Variants in GFI1B observed in about 807,000 individuals in gnomAD.
GFI1B encodes zinc finger protein Gfi-1b.
In GFI1B, 20 loss-of-function variants were observed where a neutral mutation model predicts 35.3. That is an observed-to-expected ratio of 0.57 (90% CI 0.40 to 0.82). The LOEUF (loss-of-function observed/expected upper bound fraction) is 0.82. GFI1B is among the 40% of genes least tolerant of loss of function. The probability of loss-of-function intolerance (pLI) is 0.00; values close to 1 mark genes in which losing one functional copy is unlikely to be tolerated. For missense variants in GFI1B, 430 were observed against 446.3 expected (o/e 0.96, Z 0.33); for synonymous variants, 178 against 177.6 (o/e 1.00, Z -0.02).
At chr9:132,988,498 G>A (rs1225623438) in intron 4 of GFI1B, 30 bp downstream of exon 4, 1 of 1,604,428 alleles carries the variant, frequency 6.2e-7, no homozygotes, top group South Asian at 1.1e-5. Context: ...GTGGGCACCT[G>A]GGCCCTCCTC....
chr9:132,992,475 G>A (rs548323849), downstream of GFI1B, among the ~76,000 whole-genome samples: 4 of 152,158 alleles, frequency 2.6e-5, no homozygotes, highest in South Asian at 8.3e-4. Context: ...AACCTCTCTG[G>A]GGCTCAGCTT....
intron 4 of GFI1B, 84 bp downstream of exon 4, chr9:132,988,552 G>C (rs1189860538): frequency 1.6e-6 from 2 of 1,281,636 alleles, no homozygotes; most frequent in Admixed American, 3.7e-5. Context: ...GGCGTTCTCT[G>C]TGCTGTGAAT....
At chr9:132,980,277 C>A (rs1435224772) in intron 1 of GFI1B, among the ~76,000 whole-genome samples, 1 of 152,142 alleles carries the variant, frequency 6.6e-6, no homozygotes, top group African/African-American at 2.4e-5. Context: ...GCTCTGGGAC[C>A]AGATGGCTCC....
Position 132,952,434 on chromosome 9 carries a change from A to T in GFI1B, c.-701+6765A>T, listed in dbSNP as rs1175714741. ...AGGCTCAAGTGACCCTCCCACCTCA[A>T]CCTCCCGGGTAGCTGAGACTATAGA... is the stretch of plus-strand genomic sequence containing the variant. On this transcript the variant is annotated intron_variant, in intron 1 of 10. Transcript: ENST00000339463. 4 of 151,422 alleles carry T rather than the reference A, an allele frequency of 2.6e-5. No individual in the cohort carries two copies. The East Asian group carries it at 7.8e-4, about 29-fold the overall frequency. 9.4% of individuals were successfully genotyped at this position (151,422 alleles called of 1,614,324 possible).
chr9:132,983,752 G>A (rs968680653), intron 1 of GFI1B, among the ~76,000 whole-genome samples: 3 of 152,188 alleles, frequency 2.0e-5, no homozygotes, highest in Non-Finnish European at 4.4e-5. Context: ...CTAGCACGTC[G>A]GCTCCACTCC....
intron 1 of GFI1B, among the ~76,000 whole-genome samples, chr9:132,958,117 A>G (rs1201415356): frequency 6.6e-6 from 1 of 152,036 alleles, no homozygotes; most frequent in Admixed American, 6.6e-5. Context: ...GCCTTGAAGG[A>G]TTTTAATTGG....
chr9:132,949,021 C>T (rs1848161252), intron 1 of GFI1B, among the ~76,000 whole-genome samples: 2 of 152,208 alleles, frequency 1.3e-5, no homozygotes, highest in South Asian at 2.1e-4. Context: ...CTGTCTCACC[C>T]GTGGTGTTAG....
rs185004752 is a variant in GFI1B, at chr9:132,973,404, C to T, written c.-679+658C>T. On this transcript the variant is annotated intron_variant, in intron 2 of 10. Transcript: ENST00000339463. The stretch of plus-strand genomic sequence containing the variant: ...GTATTCAGCCCTGATATGGTCCCTG[C>T]AGGCCAGCGTGTGTGCTGAGGCCCG... Among the ~76,000 whole-genome samples, 636 of 152,348 alleles carry T rather than the reference C, an allele frequency of 4.2e-3. 3 individuals carry two copies. Among genetic ancestry groups the T allele is most frequent in the Middle Eastern group, 0.01 (3 of 294 alleles).
intron 1 of GFI1B, among the ~76,000 whole-genome samples, chr9:132,947,783 T>C (rs906304445): frequency 2.2e-5 from 3 of 134,962 alleles, no homozygotes; most frequent in African/African-American, 8.5e-5. Context: ...CATTCCAGCC[T>C]GGGTAACAAA....
chr9:132,977,669 G>C (rs1225564072), upstream of GFI1B, among the ~76,000 whole-genome samples: 1 of 152,108 alleles, frequency 6.6e-6, no homozygotes. Context: ...GGGGCCAGAG[G>C]AGGAGGGAGA....
At chr9:132,947,809 CAA>C (rs58406908) in intron 1 of GFI1B, among the ~76,000 whole-genome samples, 7 of 86,086 alleles carry the variant, frequency 8.1e-5, no homozygotes, top group African/African-American at 1.6e-4. Context: ...ACTTGGTCTC[CAA>C]AAAAAAAAAA....
At chr9:132,959,441 C>T (rs887129923) in intron 1 of GFI1B, among the ~76,000 whole-genome samples, 3 of 152,188 alleles carry the variant, frequency 2.0e-5, no homozygotes, top group African/African-American at 7.2e-5. Flanking sequence ...TACCCAGTGC[C>T]AGGATTTCTT....
chr9:132,973,124 A>G (rs1056422506), intron 2 of GFI1B, among the ~76,000 whole-genome samples: 3 of 152,216 alleles, frequency 2.0e-5, no homozygotes, highest in Non-Finnish European at 4.4e-5. Flanking sequence ...CACCGGGTCC[A>G]TTGTCCCATT....
chr9:132,960,579 C>T (rs940348327), intron 1 of GFI1B, among the ~76,000 whole-genome samples: 3 of 151,998 alleles, frequency 2.0e-5, no homozygotes, highest in African/African-American at 7.3e-5. Context: ...TCACTACAGC[C>T]TCGAGCTCCT....
At chr9:132,985,781 CA>C (rs952564038) in intron 1 of GFI1B, among the ~76,000 whole-genome samples, 2 of 152,218 alleles carry the variant, frequency 1.3e-5, no homozygotes, top group African/African-American at 4.8e-5. Flanking sequence ...GTGTGTGTCC[CA>C]AATTGCACAG....
rs1027855830 is a variant in GFI1B at position 132,989,062 on chromosome 9, T to C, written c.512T>C (p.Val171Ala). Residue 171 changes from valine (V) to alanine (A), a missense_variant and splice_region_variant, in exon 5 of 7, where the codon GTC (valine) becomes GCC (alanine). Val to Ala is a moderately conservative substitution (Grantham distance 64). Coordinates refer to ENST00000372122, the MANE Select transcript of GFI1B (RefSeq NM_001377304.1). This position sits in a 1 kb window ranked among gnomAD's most constrained non-coding sequence, Gnocchi z 6.2. The part of the protein sequence containing the change: ...DAYHCVKCNK[V>A]FSTPHGLEVH... ...CTCACATGCTGCCCCTGCTCCCAGGTCTTCTCCACCCCTCACGGGCTCGAA... is the reference window on the plus strand; with the variant it reads ...CTCACATGCTGCCCCTGCTCCCAGGCCTTCTCCACCCCTCACGGGCTCGAA... The C allele has an allele frequency of 1.2e-6, 2 of 1,613,860 alleles. No homozygotes were observed. Among genetic ancestry groups the C allele is most frequent in the African/African-American group, 2.7e-5 (2 of 74,914 alleles).
chr9:132,963,742 G>A (rs1848406226), intron 1 of GFI1B: 1 of 152,042 alleles, frequency 6.6e-6, no homozygotes, highest in Admixed American at 6.6e-5. Context: ...TAGTGTTACA[G>A]TTCTTTTAGA....
At chr9:132,977,844 G>A (rs746118041), upstream of GFI1B, among the ~76,000 whole-genome samples, 6 of 152,170 alleles carry the variant, frequency 3.9e-5, no homozygotes, top group Non-Finnish European at 7.3e-5. Flanking sequence ...CAGCACACAC[G>A]GGCTCTGGCA....
intron 1 of GFI1B, chr9:132,952,440 C>T (rs1019634447): frequency 1.3e-5 from 2 of 152,092 alleles, no homozygotes; most frequent in South Asian, 2.1e-4. Flanking sequence ...CTCAACCTCC[C>T]GGGTAGCTGA....
Sources: allele counts gnomAD v4.1 joint callset (sites outside exome capture counted in the v4.1 genomes callset), GRCh38; gene constraint gnomAD v4.1.1; non-coding constraint Gnocchi (gnomAD v3.1); transcripts MANE v1.5; gene names NCBI Gene and HGNC (gene_info 2026-07-23, HGNC 2026-07-21).